FAF1: variants seen among roughly 807,000 people sequenced by gnomAD.
FAF1 encodes the protein FAS-associated factor 1.
In FAF1, 25 loss-of-function variants were observed where a neutral mutation model predicts 92.5. The ratio of observed to expected loss-of-function variants is 0.27; its 90% CI spans 0.20 to 0.38. The LOEUF is 0.38. Ranked by LOEUF, FAF1 falls within the 10% of genes least tolerant of loss-of-function variation. The pLI is 1.00. For missense variants in FAF1, 636 were observed against 793.3 expected (o/e 0.80, Z 2.38); for synonymous variants, 234 against 273.2 (o/e 0.86, Z 1.42).
chr1:50,959,581 C>A, intron 1 of FAF1, 186 bp downstream of exon 1: 2 of 427,150 alleles, frequency 4.7e-6, no homozygotes, highest in East Asian at 3.9e-5. Flanking sequence ...ATTCTACACA[C>A]TCATGATAGC....
At chr1:50,854,555 A>AACT (rs1353615629) in intron 2 of FAF1, among the ~76,000 whole-genome samples, 3 of 151,962 alleles carry the variant, frequency 2.0e-5, no homozygotes, top group Non-Finnish European at 2.9e-5. Context: ...TTGTTTTCAG[A>AACT]ATTTTGACAT....
intron 12 of FAF1, among the ~76,000 whole-genome samples, chr1:50,581,211 A>G (rs1339794665): frequency 6.6e-6 from 1 of 152,218 alleles, no homozygotes; most frequent in Non-Finnish European, 1.5e-5. Flanking sequence ...TAAAAGGGCT[A>G]TTCTGCTATT....
intron 1 of FAF1, among the ~76,000 whole-genome samples, chr1:50,889,031 T>A (rs1570104430): frequency 2.0e-5 from 3 of 152,208 alleles, no homozygotes; most frequent in African/African-American, 7.2e-5. Context: ...AATTATTGCC[T>A]CAATTTCAGA....
chr1:50,837,933 C>CG (rs1557552098), intron 2 of FAF1, among the ~76,000 whole-genome samples: 2 of 151,828 alleles, frequency 1.3e-5, no homozygotes. Flanking sequence ...TTAGCAGAGA[C>CG]GGGGTTTCAC....
intron 2 of FAF1, among the ~76,000 whole-genome samples, chr1:50,857,421 G>A (rs894936376): frequency 6.6e-6 from 1 of 151,620 alleles, no homozygotes; most frequent in Non-Finnish European, 1.5e-5. Flanking sequence ...TTTGTAATAG[G>A]TGAATGTTTA....
At chr1:50,672,549 C>A (rs1655944803) in intron 7 of FAF1, among the ~76,000 whole-genome samples, 1 of 152,144 alleles carries the variant, frequency 6.6e-6, no homozygotes, top group Non-Finnish European at 1.5e-5. Context: ...TACCAAAGTG[C>A]TGGGATTATA....
intron 7 of FAF1, among the ~76,000 whole-genome samples, chr1:50,679,404 G>A (rs1201886079): frequency 6.8e-6 from 1 of 146,426 alleles, no homozygotes; most frequent in Non-Finnish European, 1.5e-5. Context: ...ACACTCCTCA[G>A]TAACCCTATT....
intron 9 of FAF1, among the ~76,000 whole-genome samples, chr1:50,589,363 T>C (rs962374608): frequency 3.9e-5 from 6 of 152,158 alleles, no homozygotes; most frequent in Admixed American, 3.3e-4. Flanking sequence ...GGAGGGATTC[T>C]AGACCCAAGC....
chr1:50,828,969 G>A (rs1397351607), intron 2 of FAF1, among the ~76,000 whole-genome samples: 1 of 152,164 alleles, frequency 6.6e-6, no homozygotes, highest in Non-Finnish European at 1.5e-5. Flanking sequence ...AAGACACACA[G>A]TTCAACAGAA....
intron 2 of FAF1, among the ~76,000 whole-genome samples, chr1:50,808,204 C>T (rs928926985): frequency 2.0e-5 from 3 of 152,022 alleles, no homozygotes; most frequent in Non-Finnish European, 4.4e-5. Context: ...TTCAGACAAG[C>T]AAATGCTAAG....
At chr1:50,812,755 T>C (rs1397910033) in intron 2 of FAF1, among the ~76,000 whole-genome samples, 4 of 152,044 alleles carry the variant, frequency 2.6e-5, no homozygotes, top group African/African-American at 2.4e-5. Context: ...TGTTCTACCA[T>C]AAAGATACAT....
chr1:50,898,637 A>T (rs1050758012), intron 1 of FAF1, among the ~76,000 whole-genome samples: 20 of 152,234 alleles, frequency 1.3e-4, no homozygotes, highest in Admixed American at 2.6e-4. Context: ...GGCATTCTCC[A>T]GGACAGACCA....
chr1:50,566,502 CTA>C (rs1312884057), intron 13 of FAF1, among the ~76,000 whole-genome samples: 1 of 151,998 alleles, frequency 6.6e-6, no homozygotes, highest in Non-Finnish European at 1.5e-5. Flanking sequence ...CTTGAAGATA[CTA>C]TGATTAACAA....
chr1:50,777,789 A>G (rs1162101797), intron 4 of FAF1, among the ~76,000 whole-genome samples: 2 of 152,126 alleles, frequency 1.3e-5, no homozygotes, highest in Non-Finnish European at 2.9e-5. Context: ...GAATATGACT[A>G]AAATTGAAAA....
At chr1:50,952,299 G>A (rs1032507039) in intron 1 of FAF1, among the ~76,000 whole-genome samples, 12 of 152,244 alleles carry the variant, frequency 7.9e-5, no homozygotes, top group Admixed American at 6.5e-4. Flanking sequence ...TGGTGGAGAC[G>A]GGTTTTCGCC....
chr1:50,727,728 G>A (rs1007288526), intron 6 of FAF1, among the ~76,000 whole-genome samples: 1 of 152,210 alleles, frequency 6.6e-6, no homozygotes, highest in African/African-American at 2.4e-5. Context: ...TGGACTGGGA[G>A]AGGCAGACCC....
intron 8 of FAF1, among the ~76,000 whole-genome samples, chr1:50,609,014 CT>C (rs1652568763): frequency 6.6e-6 from 1 of 152,178 alleles, no homozygotes; most frequent in Non-Finnish European, 1.5e-5. Context: ...CTAAATCACT[CT>C]GGGGGAACAG....
chr1:50,642,262 A>T (rs991510326), intron 8 of FAF1, among the ~76,000 whole-genome samples: 1 of 151,842 alleles, frequency 6.6e-6, no homozygotes, highest in Non-Finnish European at 1.5e-5. Flanking sequence ...CAGTCATCCC[A>T]AATTTCTTAT....
chr1:50,554,388 T>TAGAGAGAGAGAGAGAGAGAGAG (rs559745248), intron 13 of FAF1, among the ~76,000 whole-genome samples: 2 of 100,684 alleles, frequency 2.0e-5, no homozygotes, highest in African/African-American at 8.6e-5. Context: ...TATATATATA[T>TAGAGAGAGAGAGAGAGAGAGAG]ATAGAGAGAG....
Sources: allele counts gnomAD v4.1 joint callset (sites outside exome capture counted in the v4.1 genomes callset), GRCh38; gene constraint gnomAD v4.1.1; transcripts MANE v1.5; gene names NCBI Gene and HGNC (gene_info 2026-07-23, HGNC 2026-07-21).